Variants in HS3ST4 observed in about 807,000 individuals in gnomAD.
The protein encoded by HS3ST4 is heparan sulfate glucosamine 3-O-sulfotransferase 4.
Under a neutral mutation model 29.2 loss-of-function variants are expected in HS3ST4, and 17 were observed. That is an observed-to-expected ratio of 0.58 (90% CI 0.40 to 0.87). The LOEUF is 0.87. HS3ST4 is among the 40% of genes least tolerant of loss of function. The probability of loss-of-function intolerance (pLI) is 0.00; values close to 1 mark genes in which losing one functional copy is unlikely to be tolerated. For synonymous variants in HS3ST4, 314 were observed against 285.7 expected, an observed-to-expected ratio of 1.10 and a Z score of -1.00; for missense variants, 627 against 634.5, an observed-to-expected ratio of 0.99 and a Z score of 0.13.
intron 1 of HS3ST4, among the ~76,000 whole-genome samples, chr16:25,756,127 TACACACAC>T (rs61054132): frequency 0.24 from 33,254 of 140,640 alleles, 4,223 homozygotes; most frequent in East Asian, 0.58. Flanking sequence ...CACACACACA[TACACACAC>T]ACACACACAC....
intron 1 of HS3ST4, among the ~76,000 whole-genome samples, chr16:26,058,798 C>T (rs948607605): frequency 1.1e-4 from 16 of 152,198 alleles, no homozygotes; most frequent in African/African-American, 3.6e-4. Flanking sequence ...GGTGCAGATG[C>T]GGAAACAGGC....
chr16:25,806,903 T>G (rs1164647625), intron 1 of HS3ST4, among the ~76,000 whole-genome samples: 1 of 152,128 alleles, frequency 6.6e-6, no homozygotes, highest in Non-Finnish European at 1.5e-5. Context: ...CTCACATGCA[T>G]AGGTTCATGA....
In HS3ST4 at chr16:25,703,953, A is replaced by G. The variant is rs558675041; in HGVS notation, c.734+10802A>G. 4.6e-5 allele frequency among the ~76,000 whole-genome samples: 7 copies of G among 152,266 alleles called. No individual in the cohort carries two copies. The East Asian group carries it at 1.4e-3, about 29-fold the overall frequency. On this transcript the variant is annotated intron_variant, in intron 1 of 1. Transcript: ENST00000331351. ...TTCTCCAGCACATCTATTGCTCTCC[A>G]AAGTTATCCTCATTACTTATCTCCC...
intron 1 of HS3ST4, among the ~76,000 whole-genome samples, chr16:25,844,683 C>T (rs1464586944): frequency 1.3e-5 from 2 of 152,090 alleles, no homozygotes; most frequent in Non-Finnish European, 2.9e-5. Flanking sequence ...ACCATTTGAC[C>T]CAGCAATCCC....
intron 1 of HS3ST4, among the ~76,000 whole-genome samples, chr16:25,828,245 TTTCTTTCTTTCTTTC>T (rs1967245115): frequency 1.9e-5 from 1 of 52,522 alleles, no homozygotes; most frequent in Non-Finnish European, 3.9e-5. Flanking sequence ...TTTCTTTCTC[TTTCTTTCTTTCTTTC>T]TTTCTTTCTT....
At chr16:25,735,330 T>C (rs576723225) in intron 1 of HS3ST4, among the ~76,000 whole-genome samples, 1 of 152,346 alleles carries the variant, frequency 6.6e-6, no homozygotes, top group African/African-American at 2.4e-5. Context: ...ATCAGGGATC[T>C]GTCTCTTTCC....
intron 1 of HS3ST4, among the ~76,000 whole-genome samples, chr16:25,820,603 ATT>A (rs1315302975): frequency 6.6e-6 from 1 of 150,638 alleles, no homozygotes; most frequent in Non-Finnish European, 1.5e-5. Flanking sequence ...GTTTATTTTT[ATT>A]TTTATTTTTT....
intron 1 of HS3ST4, among the ~76,000 whole-genome samples, chr16:25,962,716 C>A (rs3923425): frequency 0.21 from 32,135 of 151,960 alleles, 3,865 homozygotes; most frequent in African/African-American, 0.33. Flanking sequence ...GGATACTTAG[C>A]CCTCTCAGCC....
At chr16:26,098,281 A>G (rs192372882) in intron 1 of HS3ST4, among the ~76,000 whole-genome samples, 3 of 152,322 alleles carry the variant, frequency 2.0e-5, no homozygotes, top group Non-Finnish European at 2.9e-5. Context: ...CGACATATGC[A>G]CCCATATGTT....
Position 25,978,013 on chromosome 16 carries a change from C to G in HS3ST4, c.735-157599C>G, listed in dbSNP as rs144614312. 2.7e-3 allele frequency among the ~76,000 whole-genome samples: 408 copies of G among 152,306 alleles called. 1 individual carries two copies. The highest frequency in any genetic ancestry group is 9.5e-3 in the African/African-American group (396 of 41,574). ...GGCCCTAACCTCAAGCAAGTATCAT[C>G]ACATTTTTGAATCTCTATTTCTTCA... On this transcript the variant is annotated intron_variant, in intron 1 of 1. Coordinates refer to ENST00000331351, the MANE Select transcript of HS3ST4 (RefSeq NM_006040.3).
chr16:25,963,810 T>C (rs1968816743), intron 1 of HS3ST4, among the ~76,000 whole-genome samples: 1 of 152,208 alleles, frequency 6.6e-6, no homozygotes, highest in African/African-American at 2.4e-5. Flanking sequence ...AGATGTGGTG[T>C]CCATTGTGGG....
intron 1 of HS3ST4, among the ~76,000 whole-genome samples, chr16:25,910,285 G>T (rs1968224101): frequency 6.6e-6 from 1 of 152,168 alleles, no homozygotes; most frequent in African/African-American, 2.4e-5. Context: ...TAAGGTCTCT[G>T]TTGCAGCTGC....
intron 1 of HS3ST4, among the ~76,000 whole-genome samples, chr16:25,799,769 G>C (rs1966913024): frequency 1.3e-5 from 2 of 152,088 alleles, no homozygotes; most frequent in Admixed American, 6.5e-5. Context: ...TTAGAATTCT[G>C]CCTGCCGTGT....
Position 26,098,639 on chromosome 16 carries a change from C to T in HS3ST4, c.735-36973C>T, listed in dbSNP as rs144673867. On this transcript the variant is annotated intron_variant, in intron 1 of 1. Transcript: ENST00000331351. ...TATGAAAAATACCTAATGTAAATGA[C>T]GAGTTGATGGGTGCAACAAACCAAC... Among the ~76,000 whole-genome samples, 380 of 152,032 alleles carry T rather than the reference C, an allele frequency of 2.5e-3. 2 individuals are homozygous for T. The highest frequency in any genetic ancestry group is 8.3e-3 in the African/African-American group (345 of 41,444).
intron 1 of HS3ST4, among the ~76,000 whole-genome samples, chr16:26,002,943 T>G (rs1370136602): frequency 1.1e-5 from 1 of 87,522 alleles, no homozygotes; most frequent in Non-Finnish European, 2.4e-5. Flanking sequence ...ATTCTTACAT[T>G]TTTTTTTTTT....
intron 1 of HS3ST4, among the ~76,000 whole-genome samples, chr16:25,894,717 G>A (rs1968042627): frequency 6.6e-6 from 1 of 152,012 alleles, no homozygotes; most frequent in South Asian, 2.1e-4. Context: ...TGTTGGCCAG[G>A]CTGGTCTCGA....
chr16:25,744,552 C>T (rs1050496160), intron 1 of HS3ST4, among the ~76,000 whole-genome samples: 12 of 120,614 alleles, frequency 9.9e-5, no homozygotes, highest in African/African-American at 3.1e-4. Context: ...TGTCATTTTT[C>T]TATCATCATC....
At chr16:25,776,345 A>G (rs1278885129) in intron 1 of HS3ST4, among the ~76,000 whole-genome samples, 2 of 152,344 alleles carry the variant, frequency 1.3e-5, no homozygotes, top group East Asian at 1.9e-4. Context: ...GCTCACTGAG[A>G]TAAATGGATA....
At chr16:25,877,736 G>GT (rs1596599872) in intron 1 of HS3ST4, among the ~76,000 whole-genome samples, 3 of 101,008 alleles carry the variant, frequency 3.0e-5, no homozygotes, top group African/African-American at 3.0e-5. Context: ...CCCAGTTTGT[G>GT]GTTTTTTGCT....
Sources: allele counts gnomAD v4.1 joint callset (sites outside exome capture counted in the v4.1 genomes callset), GRCh38; gene constraint gnomAD v4.1.1; transcripts MANE v1.5; gene names NCBI Gene and HGNC (gene_info 2026-07-23, HGNC 2026-07-21).